The following KIF5C variants were observed in gnomAD, a reference collection of about 807,000 sequenced individuals.
The protein encoded by KIF5C is kinesin family member 5C.
A neutral mutation model predicts 125.2 loss-of-function variants in KIF5C; 18 were observed. The ratio of observed to expected loss-of-function variants is 0.14; its 90% confidence interval spans 0.10 to 0.21. KIF5C has a LOEUF of 0.21. KIF5C is among the 10% of genes least tolerant of loss of function. KIF5C has a pLI of 1.00. For synonymous variants in KIF5C, 405 were observed against 434.0 expected, an observed-to-expected ratio of 0.93 and a Z score of 0.83; for missense variants, 780 against 1,183.8, an observed-to-expected ratio of 0.66 and a Z score of 5.01.
rs1176107257 is a variant in KIF5C at position 148,924,452 on chromosome 2, T to C, written c.217+2225T>C. ...CATTTAACTCGATGGCTTTATTCTC[T>C]CTCTGGTTTTTCATTCCCTACCACT... On this transcript the variant is annotated intron_variant, in intron 2 of 25. Transcript: ENST00000435030. The surrounding 1 kb of genome is among the most constrained non-coding windows in gnomAD (Gnocchi z 4.0). Among the ~76,000 whole-genome samples, 5 of 152,038 alleles carry C rather than the reference T, an allele frequency of 3.3e-5. No homozygotes were observed. Among genetic ancestry groups the C allele is most frequent in the Non-Finnish European group, 5.9e-5 (4 of 68,030 alleles).
intron 13 of KIF5C, 58 bp from the exon 14 acceptor site, chr2:148,981,297 T>C: frequency 1.3e-6 from 2 of 1,516,704 alleles, no homozygotes; most frequent in Non-Finnish European, 1.8e-6. Flanking sequence ...GGATACAGCA[T>C]AGAACATAAA....
intron 25 of KIF5C, among the ~76,000 whole-genome samples, chr2:149,018,017 A>G (rs2105211065): frequency 6.6e-6 from 1 of 152,278 alleles, no homozygotes; most frequent in African/African-American, 2.4e-5. Flanking sequence ...GTGTGACTCA[A>G]TTCTTTCACT....
At position 148,875,565 on chromosome 2, in the gene KIF5C, C is replaced by A; in HGVS notation, c.-53C>A. The A allele has an allele frequency of 2.3e-6, 2 of 879,138 alleles. No individual in the cohort carries two copies. Among genetic ancestry groups the A allele is most frequent in the Non-Finnish European group, 1.8e-6 (1 of 543,584 alleles). The allele number at this position is 879,138 out of a possible 1,614,324, so 54.5% of individuals were successfully genotyped here. A position where few individuals can be genotyped will look rare whatever the true frequency, so the allele number is the denominator to read the frequency against. The stretch of plus-strand genomic sequence containing the variant: ...GCTCGCGGCCTCCTCCCTCGTCGTT[C>A]CCGGCCCCGGCCCCCCACCCATCCC... On this transcript the variant is annotated 5_prime_UTR_variant, in exon 1 of 26. Transcript: ENST00000435030.
intron 1 of KIF5C, among the ~76,000 whole-genome samples, chr2:148,900,497 C>T (rs1680852186): frequency 6.6e-6 from 1 of 152,184 alleles, no homozygotes; most frequent in Non-Finnish European, 1.5e-5. Flanking sequence ...GGGGCCTCTC[C>T]CTCCCTGCCA....
chr2:148,887,108 C>G (rs1032616673), intron 1 of KIF5C, among the ~76,000 whole-genome samples: 2 of 152,086 alleles, frequency 1.3e-5, no homozygotes, highest in Admixed American at 1.3e-4. Flanking sequence ...AAATAGCCAT[C>G]AAATTTCAAA....
chr2:148,969,508 C>T (rs1019785421), intron 11 of KIF5C, among the ~76,000 whole-genome samples: 2 of 150,634 alleles, frequency 1.3e-5, no homozygotes, highest in Non-Finnish European at 3.0e-5. Flanking sequence ...ATTATGAGCT[C>T]TTTTCCTATA....
Position 148,983,750 on chromosome 2 carries a change from C to A in KIF5C, c.1700C>A (p.Thr567Asn). The A allele has an allele frequency of 6.2e-7, 1 of 1,606,974 alleles. No individual in the cohort carries two copies. The highest frequency in any genetic ancestry group is 8.5e-7 in the Non-Finnish European group (1 of 1,176,364). Reference protein sequence around the residue: ...DLGEIGGIIGTNDVKTLADVN... With the variant: ...DLGEIGGIIGNNDVKTLADVN... Reference sequence around the variant, plus strand: ...GGGGAGATAGGTGGAATTATTGGCACCAATGATGTGAAAACTGTAAGCCAG... The same window carrying A: ...GGGGAGATAGGTGGAATTATTGGCAACAATGATGTGAAAACTGTAAGCCAG... The change falls in exon 15 of 26, where the codon ACC (threonine) becomes AAC (asparagine). Residue 567 changes from threonine to asparagine, a missense_variant. Physicochemically the swap from Thr to Asn is moderately conservative, Grantham distance 65. Around this residue, in one of 2 missense-constraint regions of KIF5C, gnomAD observed 573 missense variants for 742.6 expected, o/e 0.77. Coordinates refer to ENST00000435030, the MANE Select transcript of KIF5C (RefSeq NM_004522.3).
chr2:149,016,539 G>C (rs987499084), intron 25 of KIF5C, among the ~76,000 whole-genome samples: 1 of 152,208 alleles, frequency 6.6e-6, no homozygotes, highest in Non-Finnish European at 1.5e-5. Flanking sequence ...GTAGTTCCTA[G>C]ATTTTTGTGG....
intron 1 of KIF5C, among the ~76,000 whole-genome samples, chr2:148,881,468 G>A (rs558023738): frequency 1.3e-5 from 2 of 151,926 alleles, no homozygotes; most frequent in Non-Finnish European, 1.5e-5. Flanking sequence ...CTGTAGTTGT[G>A]TAATTGCTTA....
chr2:148,904,726 C>T (rs1404679949), intron 1 of KIF5C, among the ~76,000 whole-genome samples: 3 of 152,120 alleles, frequency 2.0e-5, no homozygotes, highest in South Asian at 2.1e-4. Context: ...CTAAGAAATA[C>T]GGCAACCATT....
At chr2:148,956,136 C>T (rs940120379) in intron 10 of KIF5C, among the ~76,000 whole-genome samples, 11 of 152,134 alleles carry the variant, frequency 7.2e-5, no homozygotes, top group Admixed American at 2.0e-4. Flanking sequence ...AGGAGGGCTT[C>T]GTTCAAGTGC....
At position 148,924,233 on chromosome 2, in the gene KIF5C, G is replaced by T. The variant is rs906021397; in HGVS notation, c.217+2006G>T. On this transcript the variant is annotated intron_variant, in intron 2 of 25. Coordinates refer to ENST00000435030, the MANE Select transcript of KIF5C (RefSeq NM_004522.3). This position sits in a 1 kb window ranked among gnomAD's most constrained non-coding sequence, Gnocchi z 4.0. ...ATCAAGTATAGCTGAGGTATCTCTT[G>T]CCATGAGTAACCCTATTTAAATCAA... 6.6e-6 allele frequency among the ~76,000 whole-genome samples: 1 copy of T among 152,154 alleles called. No individual in the cohort carries two copies. The highest frequency in any genetic ancestry group is 1.5e-5 in the Non-Finnish European group (1 of 68,028).
At chr2:148,920,826 A>G (rs1238479603) in intron 1 of KIF5C, among the ~76,000 whole-genome samples, 3 of 152,322 alleles carry the variant, frequency 2.0e-5, no homozygotes, top group African/African-American at 7.2e-5. Flanking sequence ...GAGGAGTCCC[A>G]CTGTCCTTGG....
At chr2:148,912,132 C>T (rs1183838145) in intron 1 of KIF5C, among the ~76,000 whole-genome samples, 1 of 152,186 alleles carries the variant, frequency 6.6e-6, no homozygotes, top group Non-Finnish European at 1.5e-5. Context: ...GAATCATAGT[C>T]TTCTTTTAAA....
chr2:148,883,960 C>T (rs1681442176), intron 1 of KIF5C: 1 of 152,102 alleles, frequency 6.6e-6, no homozygotes, highest in Non-Finnish European at 1.5e-5. Context: ...TGAGAGGGAG[C>T]AATTTAGAAA....
chr2:148,988,063 C>G (rs112250719), intron 15 of KIF5C, among the ~76,000 whole-genome samples: 22 of 151,870 alleles, frequency 1.4e-4, no homozygotes, highest in African/African-American at 4.4e-4. Flanking sequence ...CTGGGTTGGT[C>G]ATTGATACTG....
At chr2:149,017,119 G>T (rs1378968381) in intron 25 of KIF5C, among the ~76,000 whole-genome samples, 1 of 152,160 alleles carries the variant, frequency 6.6e-6, no homozygotes, top group Non-Finnish European at 1.5e-5. Flanking sequence ...CCACTTTGGG[G>T]GTTTTATTTG....
rs775555659 is a variant in KIF5C, at chr2:149,008,040, G to A, written c.2523G>A (p.Leu841=). 4.3e-6 allele frequency: 7 copies of A among 1,612,408 alleles called. No individual in the cohort carries two copies. The East Asian group carries it at 6.7e-5, about 15-fold the overall frequency. The change falls in exon 23 of 26, where the codon CTG becomes CTA. Residue 841 remains leucine, a synonymous_variant. Coordinates refer to ENST00000435030, the MANE Select transcript of KIF5C (RefSeq NM_004522.3). ...AAATTTCCTTCTTGGAGAATAACCT[G>A]GAGCAGCTCACCAAAGTTCACAAGC... ...KQKISFLENN[L]EQLTKVHKQL... is the part of the protein sequence containing the mutation.
chr2:148,997,403 C>T, intron 18 of KIF5C, 63 bp downstream of exon 18: 1 of 1,608,456 alleles, frequency 6.2e-7, no homozygotes, highest in Non-Finnish European at 8.5e-7. Flanking sequence ...ATTGGAAATG[C>T]TTGTTCTAGG....
Sources: allele counts gnomAD v4.1 joint callset (sites outside exome capture counted in the v4.1 genomes callset), GRCh38; gene constraint gnomAD v4.1.1; regional missense constraint gnomAD v4.1.1; non-coding constraint Gnocchi (gnomAD v3.1); transcripts MANE v1.5; gene names NCBI Gene and HGNC (gene_info 2026-07-23, HGNC 2026-07-21).